Variants in EPHB1 observed in about 807,000 individuals in gnomAD.
EPHB1 encodes EPH receptor B1.
A neutral mutation model predicts 94.4 loss-of-function variants in EPHB1; 30 were observed. The observed-to-expected ratio is 0.32, with a 90% CI of 0.24 to 0.43. The LOEUF (loss-of-function observed/expected upper bound fraction) is 0.43, where lower values mean the gene tolerates loss of function less well. Ranked by LOEUF, EPHB1 falls within the 20% of genes least tolerant of loss-of-function variation. The pLI is 1.00. For missense variants in EPHB1, 1,055 were observed against 1,308.3 expected (o/e 0.81, Z 2.99); for synonymous variants, 522 against 489.1 (o/e 1.07, Z -0.89).
intron 12 of EPHB1, among the ~76,000 whole-genome samples, chr3:135,228,497 C>G (rs1242704221): frequency 6.6e-6 from 1 of 152,154 alleles, no homozygotes; most frequent in African/African-American, 2.4e-5. Context: ...GAGATTTGCC[C>G]ATTTTCACAT....
chr3:134,901,337 G>A (rs1032896657), intron 1 of EPHB1, among the ~76,000 whole-genome samples: 1 of 152,116 alleles, frequency 6.6e-6, no homozygotes, highest in Non-Finnish European at 1.5e-5. Flanking sequence ...GACTCCTTAG[G>A]CTCCTTCGCC....
At chr3:135,154,457 C>G (rs939051688) in intron 6 of EPHB1, 181 bp downstream of exon 6, 23 of 765,694 alleles carry the variant, frequency 3.0e-5, no homozygotes, top group Middle Eastern at 3.9e-4. Flanking sequence ...GTTCAAAGCC[C>G]AGGCACTTTC....
chr3:134,927,265 G>C (rs965359813), intron 2 of EPHB1, among the ~76,000 whole-genome samples: 3 of 152,212 alleles, frequency 2.0e-5, no homozygotes, highest in African/African-American at 7.2e-5. Context: ...TCTCACCTGT[G>C]CATTCTCCAC....
intron 4 of EPHB1, among the ~76,000 whole-genome samples, chr3:135,121,373 GT>G (rs968367015): frequency 1.3e-5 from 2 of 152,220 alleles, no homozygotes; most frequent in African/African-American, 4.8e-5. Context: ...CAAACGAGTA[GT>G]TTTGGGTGGT....
intron 3 of EPHB1, among the ~76,000 whole-genome samples, chr3:134,971,683 A>C (rs1933973609): frequency 6.6e-6 from 1 of 152,018 alleles, no homozygotes; most frequent in Non-Finnish European, 1.5e-5. Context: ...CCCATCTCCC[A>C]CCCCAGCATG....
intron 12 of EPHB1, among the ~76,000 whole-genome samples, chr3:135,210,292 T>G (rs1374745942): frequency 6.6e-6 from 1 of 152,184 alleles, no homozygotes; most frequent in Non-Finnish European, 1.5e-5. Context: ...TGAGAGACAC[T>G]TGTTTAAACA....
chr3:135,215,380 C>A (rs1362010498), intron 12 of EPHB1, among the ~76,000 whole-genome samples: 1 of 151,970 alleles, frequency 6.6e-6, no homozygotes, highest in African/African-American at 2.4e-5. Flanking sequence ...TCAGGCTGGT[C>A]TCAAACTCCC....
At chr3:134,916,745 C>G (rs2038580878) in intron 1 of EPHB1, among the ~76,000 whole-genome samples, 1 of 129,780 alleles carries the variant, frequency 7.7e-6, no homozygotes, top group Non-Finnish European at 1.6e-5. Context: ...GCCTCTCCCT[C>G]CACACCTCCC....
chr3:134,809,002 A>G (rs938288280), intron 1 of EPHB1, among the ~76,000 whole-genome samples: 1 of 152,238 alleles, frequency 6.6e-6, no homozygotes, highest in South Asian at 2.1e-4. Flanking sequence ...TTTGATATCC[A>G]TTGGAGAGCA....
intron 1 of EPHB1, among the ~76,000 whole-genome samples, chr3:134,811,372 G>A (rs1434758205): frequency 6.6e-6 from 1 of 150,670 alleles, no homozygotes; most frequent in African/African-American, 2.4e-5. Context: ...CCGAGTAGCT[G>A]GAATTATAGG....
At chr3:134,907,173 G>C (rs1272286779) in intron 1 of EPHB1, among the ~76,000 whole-genome samples, 1 of 152,190 alleles carries the variant, frequency 6.6e-6, no homozygotes, top group Non-Finnish European at 1.5e-5. Flanking sequence ...CCATGCTACT[G>C]ATAAGAAATC....
intron 3 of EPHB1, among the ~76,000 whole-genome samples, chr3:135,105,480 A>G (rs975681102): frequency 2.0e-5 from 3 of 152,132 alleles, no homozygotes; most frequent in Non-Finnish European, 4.4e-5. Flanking sequence ...GCCTTGGGGA[A>G]GTAGGGTAGG....
At chr3:135,253,822 A>G (rs538677716) in intron 15 of EPHB1, among the ~76,000 whole-genome samples, 2 of 152,104 alleles carry the variant, frequency 1.3e-5, no homozygotes, top group African/African-American at 2.4e-5. Context: ...CATTTTCACA[A>G]TATTGATTCT....
rs749319251 is a variant in EPHB1 at position 134,951,814 on chromosome 3, C to T, written c.567C>T (p.Val189=). The change falls in exon 3 of 16, where the codon GTC becomes GTT. Residue 189 remains valine (V), a synonymous_variant. Transcript: ENST00000398015. The surrounding 1 kb of genome is among the most constrained non-coding windows in gnomAD (Gnocchi z 4.5). ...GAGCCTGTATGTCTCTTCTTTCTGT[C>T]CGTGTCTTCTTCAAAAAGTGTCCCA... The part of the protein sequence containing the change: ...DYGACMSLLS[V]RVFFKKCPSI... The T allele has an allele frequency of 5.0e-6, 8 of 1,614,004 alleles. No individual in the cohort carries two copies. In the East Asian group the frequency reaches 1.8e-4, roughly 36 times the overall value.
chr3:134,951,943 G>T lies in EPHB1; in HGVS notation c.696G>T (p.Val232=). 1 of 1,614,036 alleles carries T rather than the reference G, an allele frequency of 6.2e-7. No homozygotes were observed. The highest frequency in any genetic ancestry group is 8.5e-7 in the Non-Finnish European group (1 of 1,179,908). The change falls in exon 3 of 16, where the codon GTG becomes GTT. Residue 232 remains valine, a synonymous_variant. Transcript: ENST00000398015. The surrounding 1 kb of genome is among the most constrained non-coding windows in gnomAD (Gnocchi z 4.5). ...RGTCIPNAEE[V]DVPIKLYCNG... ...CATGCATCCCCAACGCAGAGGAAGT[G>T]GACGTGCCCATCAAACTCTACTGCA...
chr3:134,986,831 G>A (rs1414000556), intron 3 of EPHB1, among the ~76,000 whole-genome samples: 2 of 151,704 alleles, frequency 1.3e-5, no homozygotes, highest in African/African-American at 4.8e-5. Context: ...AAAAAATTTT[G>A]TAATTGTAAT....
At chr3:134,860,550 C>G (rs1033040716) in intron 1 of EPHB1, among the ~76,000 whole-genome samples, 7 of 152,154 alleles carry the variant, frequency 4.6e-5, no homozygotes, top group Admixed American at 4.6e-4. Context: ...CGCGATGGCT[C>G]ACGCCTGTAA....
At chr3:134,811,902 C>T (rs2108286461) in intron 1 of EPHB1, among the ~76,000 whole-genome samples, 1 of 152,274 alleles carries the variant, frequency 6.6e-6, no homozygotes, top group East Asian at 1.9e-4. Flanking sequence ...GGTATTAGCC[C>T]TGCTGTTGGA....
intron 1 of EPHB1, among the ~76,000 whole-genome samples, chr3:134,924,098 G>A (rs1327880609): frequency 1.3e-5 from 2 of 152,106 alleles, no homozygotes; most frequent in African/African-American, 4.8e-5. Flanking sequence ...CAAGAAAAAA[G>A]CACATTGATC....
Sources: gnomAD v4.1 joint callset for allele counts (sites outside exome capture counted in the v4.1 genomes callset) on GRCh38, gnomAD v4.1.1 for gene constraint, Gnocchi (gnomAD v3.1) non-coding constraint, MANE v1.5 for transcripts, NCBI Gene and HGNC (gene_info 2026-07-23, HGNC 2026-07-21) for gene names.